The following PDE1A variants were observed in gnomAD, a reference collection of about 807,000 sequenced individuals.
The protein encoded by PDE1A is dual specificity calcium/calmodulin-dependent 3',5'-cyclic nucleotide phosphodiesterase 1A.
PDE1A carries 35 observed loss-of-function variants against 61.7 expected under a neutral mutation model. The ratio of observed to expected loss-of-function variants is 0.57; its 90% CI spans 0.43 to 0.75. The LOEUF (loss-of-function observed/expected upper bound fraction) is 0.75, where lower values mean the gene tolerates loss of function less well. Among genes scored for constraint, PDE1A ranks in the 30% least tolerant of loss-of-function variants. The pLI is 0.00. For missense variants in PDE1A, 597 were observed against 630.6 expected, an observed-to-expected ratio of 0.95 and a Z score of 0.57; for synonymous variants, 232 against 213.2, an observed-to-expected ratio of 1.09 and a Z score of -0.77.
intron 1 of PDE1A, among the ~76,000 whole-genome samples, chr2:182,423,923 CA>C (rs564745025): frequency 4.8e-4 from 59 of 122,796 alleles, no homozygotes; most frequent in African/African-American, 5.9e-4. Context: ...CCAAATATTT[CA>C]AAAAAAAAAA....
At chr2:182,468,640 A>G (rs1357664651) in intron 2 of PDE1A, among the ~76,000 whole-genome samples, 1 of 151,986 alleles carries the variant, frequency 6.6e-6, no homozygotes, top group Non-Finnish European at 1.5e-5. Flanking sequence ...AATGTTCTTA[A>G]TGGGATTTGG....
At chr2:182,203,758 C>T (rs1263674507) in intron 8 of PDE1A, among the ~76,000 whole-genome samples, 1 of 151,736 alleles carries the variant, frequency 6.6e-6, no homozygotes, top group African/African-American at 2.4e-5. Context: ...TTTATTTTTA[C>T]TAAAAGTACT....
At chr2:182,650,538 G>C in the PDE1A span, among the ~76,000 whole-genome samples, 1 of 152,234 alleles carries the variant, frequency 6.6e-6, no homozygotes, top group East Asian at 1.9e-4. Flanking sequence ...CAGGCTACTT[G>C]AATCAAAACA....
chr2:182,169,893 C>G (rs1691983743), intron 13 of PDE1A, among the ~76,000 whole-genome samples: 1 of 130,658 alleles, frequency 7.7e-6, no homozygotes, highest in African/African-American at 2.9e-5. Context: ...GGACAGGAGA[C>G]ACACACACAC....
At chr2:182,495,861 T>C (rs930195897) in intron 2 of PDE1A, among the ~76,000 whole-genome samples, 2 of 152,214 alleles carry the variant, frequency 1.3e-5, no homozygotes, top group Admixed American at 6.5e-5. Flanking sequence ...TCCCACTCTA[T>C]AGTCCAATGT....
chr2:182,559,378 G>C, the PDE1A span, among the ~76,000 whole-genome samples: 1 of 152,126 alleles, frequency 6.6e-6, no homozygotes, highest in African/African-American at 2.4e-5. Context: ...AGCCATGGGA[G>C]AGTGTTTTTA....
chr2:182,169,176 T>C lies in PDE1A; in HGVS notation c.1517-886A>G, dbSNP rs140546660. On this transcript the variant is annotated intron_variant, in intron 13 of 13. Coordinates refer to ENST00000351439, the Ensembl canonical transcript of PDE1A. ...CTACATATGGGTTTTAGAACAATTC[T>C]AAACTCATTGAAATTAGGTTTCTTC... Among the ~76,000 whole-genome samples the C allele has an allele frequency of 2.0e-5, 3 of 152,248 alleles. No homozygotes were observed. In the East Asian group the frequency reaches 5.8e-4, roughly 29 times the overall value.
At chr2:182,600,790 C>A in the PDE1A span, among the ~76,000 whole-genome samples, 14 of 152,150 alleles carry the variant, frequency 9.2e-5, no homozygotes, top group African/African-American at 3.4e-4. Flanking sequence ...CTCAATAATT[C>A]TTCTTCCTAT....
the PDE1A span, among the ~76,000 whole-genome samples, chr2:182,552,017 G>T: frequency 6.6e-6 from 1 of 152,130 alleles, no homozygotes; most frequent in Non-Finnish European, 1.5e-5. Context: ...CTAGAATGTG[G>T]CCACTTTTTG....
At chr2:182,433,754 C>T (rs1704071642) in intron 2 of PDE1A, among the ~76,000 whole-genome samples, 1 of 152,040 alleles carries the variant, frequency 6.6e-6, no homozygotes, top group African/African-American at 2.4e-5. Flanking sequence ...CCTGATCCGG[C>T]CCTCGTGTAC....
the PDE1A span, among the ~76,000 whole-genome samples, chr2:182,629,995 C>G: frequency 6.6e-6 from 1 of 152,028 alleles, no homozygotes; most frequent in Non-Finnish European, 1.5e-5. Flanking sequence ...GAAGTTTGAT[C>G]TTTTTGGGAT....
the PDE1A span, among the ~76,000 whole-genome samples, chr2:182,550,960 G>A: frequency 2.6e-5 from 4 of 151,850 alleles, no homozygotes; most frequent in African/African-American, 9.7e-5. Context: ...AAACAGGAAG[G>A]GAGCCTGGAA....
At chr2:182,698,054 T>A in the PDE1A span, among the ~76,000 whole-genome samples, 1 of 152,178 alleles carries the variant, frequency 6.6e-6, no homozygotes, top group Non-Finnish European at 1.5e-5. Context: ...TCTGTTAAAC[T>A]CCTCTCAGGC....
intron 2 of PDE1A, among the ~76,000 whole-genome samples, chr2:182,516,191 T>C (rs920443586): frequency 6.6e-6 from 1 of 152,188 alleles, no homozygotes; most frequent in South Asian, 2.1e-4. Flanking sequence ...AGGACTGTAT[T>C]CTTTCCAGAA....
the PDE1A span, among the ~76,000 whole-genome samples, chr2:182,599,554 C>T: frequency 4.7e-3 from 710 of 152,246 alleles, 5 homozygotes; most frequent in South Asian, 0.022. Context: ...GTTTTAAATC[C>T]ACCACAATGT....
chr2:182,276,872 G>A (rs915663733), intron 1 of PDE1A, among the ~76,000 whole-genome samples: 2 of 151,978 alleles, frequency 1.3e-5, no homozygotes, highest in Non-Finnish European at 2.9e-5. Context: ...TTATGTGGTT[G>A]AGATAAGGAC....
intron 1 of PDE1A, among the ~76,000 whole-genome samples, chr2:182,401,519 T>C (rs761116196): frequency 1.3e-5 from 2 of 152,116 alleles, no homozygotes; most frequent in African/African-American, 2.4e-5. Context: ...ATGGGAAGTA[T>C]CTCAAAACAT....
chr2:182,387,378 A>C (rs1701172076), intron 1 of PDE1A, among the ~76,000 whole-genome samples: 1 of 151,818 alleles, frequency 6.6e-6, no homozygotes, highest in African/African-American at 2.4e-5. Context: ...GACCCTGCCA[A>C]ATCCCCCTCT....
At chr2:182,345,414 T>A (rs1340450912) in intron 1 of PDE1A, among the ~76,000 whole-genome samples, 1 of 152,254 alleles carries the variant, frequency 6.6e-6, no homozygotes, top group Non-Finnish European at 1.5e-5. Flanking sequence ...TATTATTTCC[T>A]GCTTCGTCTC....
Sources: allele counts gnomAD v4.1 joint callset (sites outside exome capture counted in the v4.1 genomes callset), GRCh38; gene constraint gnomAD v4.1.1; transcripts MANE v1.5; gene names NCBI Gene and HGNC (gene_info 2026-07-23, HGNC 2026-07-21).